Variants in SEMA4D observed in about 807,000 individuals in gnomAD.
SEMA4D encodes semaphorin-4D.
Under a neutral mutation model 74.8 loss-of-function variants are expected in SEMA4D, and 22 were observed. The ratio of observed to expected loss-of-function variants is 0.29; its 90% CI spans 0.21 to 0.42. The LOEUF (loss-of-function observed/expected upper bound fraction) is 0.42. SEMA4D is among the 10% of genes least tolerant of loss of function. The probability of loss-of-function intolerance (pLI) is 1.00; values close to 1 mark genes in which losing one functional copy is unlikely to be tolerated. For missense variants in SEMA4D, 937 were observed against 1,118.4 expected, an observed-to-expected ratio of 0.84 and a Z score of 2.31; for synonymous variants, 445 against 463.7, an observed-to-expected ratio of 0.96 and a Z score of 0.52.
At chr9:89,423,318 A>T (rs12115407) in intron 2 of SEMA4D, among the ~76,000 whole-genome samples, 2,007 of 151,906 alleles carry the variant, frequency 0.013, 38 homozygotes, top group African/African-American at 0.046. Flanking sequence ...CAGCCTCCCA[A>T]GTAGTTGGGA....
intron 2 of SEMA4D, among the ~76,000 whole-genome samples, chr9:89,441,276 G>A (rs1450381762): frequency 6.6e-6 from 1 of 152,240 alleles, no homozygotes; most frequent in Non-Finnish European, 1.5e-5. Context: ...GGACTCGGCC[G>A]GGCGGCACTG....
Position 89,389,007 on chromosome 9 carries a change from G to A in SEMA4D, c.815C>T (p.Thr272Ile). Residue 272 changes from threonine to isoleucine, a missense_variant, in exon 10 of 16, where the codon ACC becomes ATC. Coordinates refer to ENST00000422704, the MANE Select transcript of SEMA4D (RefSeq NM_001371194.2). ...GGLRTLQKKW[T>I]SFLKARLICS... The stretch of plus-strand genomic sequence containing the variant: ...GATGAGTCGGGCTTTCAGGAAGGAG[G>A]TCCATTTCTTCTGCAAGGTCCTCAG... 6.2e-7 allele frequency: 1 copy of A among 1,614,056 alleles called. No homozygotes were observed. Among genetic ancestry groups the A allele is most frequent in the South Asian group, 1.1e-5 (1 of 91,080 alleles).
chr9:89,385,579 G>A (rs962034827), intron 13 of SEMA4D: 5 of 985,310 alleles, frequency 5.1e-6, no homozygotes, highest in African/African-American at 3.5e-5. Context: ...CAGATCTGAG[G>A]GAGAACTCTC....
chr9:89,441,445 T>C (rs1381937423), intron 2 of SEMA4D, among the ~76,000 whole-genome samples: 1 of 152,242 alleles, frequency 6.6e-6, no homozygotes, highest in Non-Finnish European at 1.5e-5. Context: ...GGAAAGGGGA[T>C]GTGGCCGAGG....
At chr9:89,435,843 A>G (rs1440649526) in intron 2 of SEMA4D, among the ~76,000 whole-genome samples, 1 of 152,212 alleles carries the variant, frequency 6.6e-6, no homozygotes, top group South Asian at 2.1e-4. Flanking sequence ...AAACAGAGAA[A>G]CTTCGAGATA....
At chr9:89,493,303 G>A (rs768790547) in intron 1 of SEMA4D, among the ~76,000 whole-genome samples, 19 of 152,176 alleles carry the variant, frequency 1.2e-4, no homozygotes, top group Admixed American at 2.6e-4. Flanking sequence ...CCACCCACTG[G>A]GTGGTTCTGT....
Position 89,392,501 on chromosome 9 carries a change from A to G in SEMA4D, c.544T>C (p.Leu182=). 2 of 1,613,992 alleles carry G rather than the reference A, an allele frequency of 1.2e-6. No individual in the cohort carries two copies. The highest frequency in any genetic ancestry group is 1.7e-6 in the Non-Finnish European group (2 of 1,179,868). The change falls in exon 8 of 16, where the codon TTG becomes CTG. Residue 182 remains leucine (L), a synonymous_variant. Transcript: ENST00000422704. ...CGGGAGATGATGGGTTCACTTCCCA[A>G]AAAATTATACGACGTCCCCGAATAA... ...ELYSGTSYNF[L]GSEPIISRNS... is the part of the protein sequence containing the mutation.
Position 89,405,430 on chromosome 9 carries a change from C to G in SEMA4D, c.27G>C (p.Gly9=). 1 of 1,613,932 alleles carries G rather than the reference C, an allele frequency of 6.2e-7. No homozygotes were observed. The highest frequency in any genetic ancestry group is 8.5e-7 in the Non-Finnish European group (1 of 1,180,012). MRMCTPIR[G]LLMALAVMFG... Reference sequence around the variant, plus strand: ...ACATCACTGCAAGGGCCATGAGCAGCCCCCTAATGGGGGTGCACATCCTCA... The same window carrying G: ...ACATCACTGCAAGGGCCATGAGCAGGCCCCTAATGGGGGTGCACATCCTCA... The change falls in exon 3 of 16, where the codon GGG becomes GGC. Residue 9 remains glycine, a synonymous_variant. Transcript: ENST00000422704.
chr9:89,487,707 T>C lies in SEMA4D; in HGVS notation c.-310+10212A>G, dbSNP rs551315447. ...AACAAAAAATAGAAAAAATCAATTG[T>C]ATTTCTATATATCGCAATTAACAAC... On this transcript the variant is annotated intron_variant, in intron 1 of 15. Transcript: ENST00000422704. Among the ~76,000 whole-genome samples the C allele has an allele frequency of 6.6e-5, 10 of 152,334 alleles. No homozygotes were observed. The East Asian group carries it at 1.9e-3, about 29-fold the overall frequency.
chr9:89,366,876 G>A (rs1833756773), intron 16 of SEMA4D, among the ~76,000 whole-genome samples: 1 of 152,174 alleles, frequency 6.6e-6, no homozygotes, highest in South Asian at 2.1e-4. Flanking sequence ...CTGAGTCACA[G>A]GAGCCTCTGG....
In SEMA4D at chr9:89,381,190, T is replaced by A. The variant is rs760618600; in HGVS notation, c.1603A>T (p.Thr535Ser). The A allele has an allele frequency of 1.6e-5, 26 of 1,613,372 alleles. No homozygotes were observed. The highest frequency in any genetic ancestry group is 5.0e-5 in the Admixed American group (3 of 59,988). The change falls in exon 14 of 16, where the codon ACC becomes TCC. Residue 535 changes from threonine (T) to serine (S), a missense_variant. Transcript: ENST00000422704. The surrounding 1 kb of genome is among the most constrained non-coding windows in gnomAD (Gnocchi z 4.6). ...GCCCCATACCTGCTGGGGCTCTCGGTCTGGTGCAGAGCCACGCAGGTCGCT... is the reference window on the plus strand; with the variant it reads ...GCCCCATACCTGCTGGGGCTCTCGGACTGGTGCAGAGCCACGCAGGTCGCT... ...PTATCVALHQ[T>S]ESPSRGLIQE...
At chr9:89,384,428 G>C (rs954048332) in intron 13 of SEMA4D, among the ~76,000 whole-genome samples, 2 of 152,212 alleles carry the variant, frequency 1.3e-5, no homozygotes, top group Non-Finnish European at 2.9e-5. Flanking sequence ...CCACTCATAT[G>C]AGGTACCCAG....
chr9:89,414,926 T>C (rs1412416823), intron 2 of SEMA4D, among the ~76,000 whole-genome samples: 1 of 152,086 alleles, frequency 6.6e-6, no homozygotes, highest in African/African-American at 2.4e-5. Context: ...GGGTGCAGCA[T>C]GTACAGAATG....
intron 2 of SEMA4D, among the ~76,000 whole-genome samples, chr9:89,439,771 T>A (rs1190924696): frequency 6.6e-6 from 1 of 152,188 alleles, no homozygotes; most frequent in Non-Finnish European, 1.5e-5. Flanking sequence ...AGTAAGTGTC[T>A]ATTTTTAAAA....
intron 1 of SEMA4D, among the ~76,000 whole-genome samples, 185 bp from the exon 2 acceptor site, chr9:89,456,138 G>C (rs1402729471): frequency 6.6e-6 from 1 of 152,238 alleles, no homozygotes; most frequent in African/African-American, 2.4e-5. Flanking sequence ...GAGACCAGAG[G>C]AGGCATCACA....
intron 2 of SEMA4D, among the ~76,000 whole-genome samples, chr9:89,407,164 A>C (rs953476606): frequency 6.6e-6 from 1 of 152,216 alleles, no homozygotes; most frequent in Non-Finnish European, 1.5e-5. Context: ...TTCCGAGGTT[A>C]CTTGGGTTGG....
chr9:89,449,960 A>C, intron 2 of SEMA4D: 1 of 1,541,028 alleles, frequency 6.5e-7, no homozygotes, highest in Non-Finnish European at 9.0e-7. Flanking sequence ...AGGGGACCCA[A>C]GTAACAGGGA....
intron 2 of SEMA4D, among the ~76,000 whole-genome samples, chr9:89,411,542 CA>C (rs1844529653): frequency 6.6e-6 from 1 of 152,220 alleles, no homozygotes; most frequent in Non-Finnish European, 1.5e-5. Context: ...CTCAGGGCAG[CA>C]GGGAAGGGAC....
chr9:89,361,513 A>T (rs529122820), exon 19 of SEMA4D: 3 of 152,198 alleles, frequency 2.0e-5, no homozygotes, highest in Non-Finnish European at 4.4e-5. Flanking sequence ...GGACAAGTTC[A>T]CACACACAGT....
Sources: allele counts gnomAD v4.1 joint callset (sites outside exome capture counted in the v4.1 genomes callset), GRCh38; gene constraint gnomAD v4.1.1; non-coding constraint Gnocchi (gnomAD v3.1); transcripts MANE v1.5; gene names NCBI Gene and HGNC (gene_info 2026-07-23, HGNC 2026-07-21).